The following NFATC1 variants were observed in gnomAD, a reference collection of about 807,000 sequenced individuals.
NFATC1 encodes the protein nuclear factor of activated T cells 1.
In NFATC1, 22 loss-of-function variants were observed where a neutral mutation model predicts 76.0. The observed-to-expected ratio is 0.29, with a 90% confidence interval of 0.21 to 0.41. The LOEUF (loss-of-function observed/expected upper bound fraction) is 0.41, where lower values mean the gene tolerates loss of function less well. Among genes scored for constraint, NFATC1 ranks in the 10% least tolerant of loss-of-function variants. The pLI is 1.00. For synonymous variants in NFATC1, 704 were observed against 613.1 expected (o/e 1.15, Z -2.19); for missense variants, 1,357 against 1,337.7 (o/e 1.01, Z -0.23).
chr18:79,510,163 G>A (rs1000482207), intron 9 of NFATC1, among the ~76,000 whole-genome samples: 1 of 152,220 alleles, frequency 6.6e-6, no homozygotes, highest in East Asian at 1.9e-4. Context: ...ACAGGACAGC[G>A]AGCAGGTTCC....
chr18:79,397,016 A>C (rs572068617), intron 1 of NFATC1, among the ~76,000 whole-genome samples: 116 of 152,298 alleles, frequency 7.6e-4, no homozygotes, highest in African/African-American at 2.7e-3. Flanking sequence ...GGAACCGCCA[A>C]GTTTCGAGCT....
intron 3 of NFATC1, among the ~76,000 whole-genome samples, chr18:79,441,447 T>C (rs111859213): frequency 6.6e-6 from 1 of 152,150 alleles, no homozygotes; most frequent in African/African-American, 2.4e-5. Flanking sequence ...GGGGCCATTC[T>C]GGAGCTGGGA....
At chr18:79,472,061 G>A (rs1214852238) in intron 8 of NFATC1, among the ~76,000 whole-genome samples, 1 of 152,204 alleles carries the variant, frequency 6.6e-6, no homozygotes, top group Non-Finnish European at 1.5e-5. Context: ...TGGCATCGGA[G>A]AGGTGTTGGT....
intron 8 of NFATC1, chr18:79,468,111 T>A: frequency 2.1e-6 from 1 of 469,666 alleles, no homozygotes. Flanking sequence ...GCATCCAGGC[T>A]GGGGCACCTT....
intron 6 of NFATC1, among the ~76,000 whole-genome samples, chr18:79,456,983 A>C (rs2087767905): frequency 1.3e-5 from 2 of 152,250 alleles, no homozygotes; most frequent in African/African-American, 4.8e-5. Flanking sequence ...CAACACCTTC[A>C]GAGGTGTCCA....
intron 2 of NFATC1, among the ~76,000 whole-genome samples, chr18:79,429,861 C>T (rs910333883): frequency 2.6e-5 from 4 of 152,262 alleles, no homozygotes; most frequent in African/African-American, 7.2e-5. Flanking sequence ...ACCGCGGCGT[C>T]GGGTCAACGG....
At chr18:79,437,598 T>C (rs1205302587) in intron 3 of NFATC1, among the ~76,000 whole-genome samples, 1 of 152,232 alleles carries the variant, frequency 6.6e-6, no homozygotes, top group Non-Finnish European at 1.5e-5. Flanking sequence ...GCGTGGCGGA[T>C]GTTTCCCTCT....
chr18:79,518,922 C>T (rs758451230), intron 9 of NFATC1, among the ~76,000 whole-genome samples: 6 of 152,226 alleles, frequency 3.9e-5, no homozygotes, highest in Admixed American at 6.5e-5. Flanking sequence ...GTTGTTTCTC[C>T]GTGTGAGATG....
chr18:79,526,208 G>A (rs995338808), intron 9 of NFATC1, among the ~76,000 whole-genome samples: 1 of 152,254 alleles, frequency 6.6e-6, no homozygotes, highest in Non-Finnish European at 1.5e-5. Flanking sequence ...GGAGCAGCCT[G>A]CGAGCACCTG....
At chr18:79,522,371 T>C (rs1601010647) in intron 9 of NFATC1, among the ~76,000 whole-genome samples, 1 of 36,484 alleles carries the variant, frequency 2.7e-5, no homozygotes, top group Non-Finnish European at 4.7e-5. Flanking sequence ...TGTGTCTCTG[T>C]GTGTGTGGGG....
At chr18:79,429,853 C>T (rs972403215) in intron 2 of NFATC1, among the ~76,000 whole-genome samples, 5 of 152,236 alleles carry the variant, frequency 3.3e-5, no homozygotes, top group Admixed American at 6.5e-5. Context: ...AGTCCTGCAC[C>T]GCGGCGTCGG....
intron 6 of NFATC1, among the ~76,000 whole-genome samples, chr18:79,453,094 C>T (rs1420732501): frequency 1.3e-5 from 2 of 152,214 alleles, no homozygotes; most frequent in Non-Finnish European, 2.9e-5. Context: ...AAGGCATTTG[C>T]ATTGCCCGTG....
intron 2 of NFATC1, among the ~76,000 whole-genome samples, chr18:79,429,896 G>A (rs752290739): frequency 3.9e-5 from 6 of 152,352 alleles, no homozygotes; most frequent in East Asian, 3.9e-4. Context: ...GAGGGTTCTC[G>A]TGAGATCGTG....
In NFATC1 at chr18:79,451,814, C is replaced by T; in HGVS notation, c.1901C>T (p.Pro634Leu). 3 of 1,606,894 alleles carry T rather than the reference C, an allele frequency of 1.9e-6. No homozygotes were observed. Among genetic ancestry groups the T allele is most frequent in the South Asian group, 2.2e-5 (2 of 89,832 alleles). The change falls in exon 6 of 10, where the codon CCA (proline) becomes CTA (leucine). Residue 634 changes from proline (P) to leucine (L), a missense_variant and splice_region_variant. Around this residue, in one of 3 missense-constraint regions of NFATC1, gnomAD observed 242 missense variants for 329.2 expected, o/e 0.74. Coordinates refer to ENST00000427363, the MANE Select transcript of NFATC1 (RefSeq NM_001278669.2). ...DSKVIFVEKA[P>L]DGHHVWEMEA... The stretch of plus-strand genomic sequence containing the variant: ...AAGGTCATTTTCGTGGAGAAAGCCC[C>T]AGGTATGCTCTTCACCAGGGGCCAT...
intron 3 of NFATC1, among the ~76,000 whole-genome samples, chr18:79,443,241 T>C (rs1015532713): frequency 6.6e-6 from 1 of 152,234 alleles, no homozygotes; most frequent in Non-Finnish European, 1.5e-5. Flanking sequence ...CACTCCGTGG[T>C]GTGAACTCAG....
chr18:79,517,802 G>A (rs2090420065), intron 9 of NFATC1, among the ~76,000 whole-genome samples: 1 of 152,162 alleles, frequency 6.6e-6, no homozygotes, highest in South Asian at 2.1e-4. Context: ...TGAAAAAGAG[G>A]GAAGATGCTT....
At position 79,502,556 on chromosome 18, in the gene NFATC1, A is replaced by G. The variant is rs1202022729; in HGVS notation, c.2782+15619A>G. Among the ~76,000 whole-genome samples the G allele has an allele frequency of 2.0e-5, 3 of 152,242 alleles. No individual in the cohort carries two copies. In the East Asian group the frequency reaches 5.8e-4, roughly 29 times the overall value. Reference sequence around the variant, plus strand: ...AAAAGATAAGCAATAGACTAGAGGAATGTGTTTGCAAAACAACTATCTGAT... The same window carrying G: ...AAAAGATAAGCAATAGACTAGAGGAGTGTGTTTGCAAAACAACTATCTGAT... On this transcript the variant is annotated intron_variant, in intron 9 of 9. Transcript: ENST00000427363.
rs538673673 is a variant in NFATC1, at chr18:79,446,970, G to A, written c.1387-1812G>A. ...GACCTGGGTCCCGGCTCAGCCTCAC[G>A]CGGCGTCCCAGTCCCTGCCCATCAG... is the stretch of plus-strand genomic sequence containing the variant. On this transcript the variant is annotated intron_variant, in intron 3 of 9. Transcript: ENST00000427363. 3.9e-5 allele frequency among the ~76,000 whole-genome samples: 6 copies of A among 152,316 alleles called. No homozygotes were observed. The East Asian group carries it at 5.8e-4, about 15-fold the overall frequency.
chr18:79,494,778 C>T (rs1179194580), intron 9 of NFATC1, among the ~76,000 whole-genome samples: 2 of 81,828 alleles, frequency 2.4e-5, no homozygotes, highest in Admixed American at 1.3e-4. Flanking sequence ...AAGGCGAGAG[C>T]GGGCACATGC....
Sources: gnomAD v4.1 joint callset for allele counts (sites outside exome capture counted in the v4.1 genomes callset) on GRCh38, gnomAD v4.1.1 for gene constraint, gnomAD v4.1.1 regional missense constraint, MANE v1.5 for transcripts, NCBI Gene and HGNC (gene_info 2026-07-23, HGNC 2026-07-21) for gene names.